Variants in CDH18 observed in about 807,000 individuals in gnomAD.
CDH18 encodes the protein cadherin-18.
CDH18 carries 31 observed loss-of-function variants against 67.9 expected under a neutral mutation model. The observed-to-expected ratio is 0.46, with a 90% CI of 0.34 to 0.62. The LOEUF (loss-of-function observed/expected upper bound fraction) is 0.62, where lower values mean the gene tolerates loss of function less well. Ranked by LOEUF, CDH18 falls within the 20% of genes least tolerant of loss-of-function variation. The pLI is 0.01. For synonymous variants in CDH18, 362 were observed against 347.2 expected (o/e 1.04, Z -0.48); for missense variants, 890 against 975.5 (o/e 0.91, Z 1.17).
chr5:20,304,432 C>G (rs116508732), intron 1 of CDH18: 32,135 of 1,488,670 alleles, frequency 0.022, 422 homozygotes, highest in Non-Finnish European at 0.026. Context: ...GCTCATGATT[C>G]TCTTCTTCAT....
At chr5:19,814,849 C>A (rs974412628) in intron 3 of CDH18, among the ~76,000 whole-genome samples, 5 of 32,240 alleles carry the variant, frequency 1.6e-4, no homozygotes, top group Non-Finnish European at 4.4e-4. Context: ...AAAATTGTTA[C>A]ACACACACAC....
At position 20,004,656 on chromosome 5, in the gene CDH18, A is replaced by T. The variant is rs183401634; in HGVS notation, c.-517-12642T>A. On this transcript the variant is annotated intron_variant, in intron 2 of 14. Transcript: ENST00000507958. ...AAACTCTGGGATAGAAAACATTTGT[A>T]AATTTAAAAGATGTCAAACCTTTAT... is the stretch of plus-strand genomic sequence containing the variant. Among the ~76,000 whole-genome samples the T allele has an allele frequency of 5.9e-5, 9 of 152,380 alleles. No individual in the cohort carries two copies. In the East Asian group the frequency reaches 1.7e-3, roughly 29 times the overall value.
chr5:19,602,076 A>G (rs763536884), intron 6 of CDH18, among the ~76,000 whole-genome samples: 4 of 152,192 alleles, frequency 2.6e-5, no homozygotes, highest in African/African-American at 9.6e-5. Context: ...TTTATTCAAC[A>G]TAATACTGGA....
At chr5:20,030,272 G>A (rs1382843132) in intron 2 of CDH18, among the ~76,000 whole-genome samples, 2 of 152,124 alleles carry the variant, frequency 1.3e-5, no homozygotes, top group Non-Finnish European at 2.9e-5. Context: ...ACATCTCAGT[G>A]TGTGTCATAT....
intron 1 of CDH18, among the ~76,000 whole-genome samples, chr5:20,509,139 T>C (rs1419670495): frequency 6.6e-6 from 1 of 152,174 alleles, no homozygotes; most frequent in Non-Finnish European, 1.5e-5. Context: ...AAATATACAA[T>C]ACATTGTTAT....
intron 2 of CDH18, among the ~76,000 whole-genome samples, chr5:20,161,117 A>C (rs1320654028): frequency 1.3e-5 from 2 of 152,106 alleles, no homozygotes; most frequent in African/African-American, 4.8e-5. Context: ...TTACATAAAA[A>C]TTTTGCCTAC....
chr5:19,757,546 A>G (rs116773011), intron 3 of CDH18, among the ~76,000 whole-genome samples: 3,107 of 152,278 alleles, frequency 0.02, 108 homozygotes, highest in African/African-American at 0.072. Flanking sequence ...GGCTGGGGAA[A>G]GCGGCTGAGT....
chr5:19,544,830 G>T (rs1736040202), intron 8 of CDH18, among the ~76,000 whole-genome samples: 1 of 152,170 alleles, frequency 6.6e-6, no homozygotes, highest in African/African-American at 2.4e-5. Flanking sequence ...CCCAATTAAG[G>T]TTCCCAACCT....
intron 2 of CDH18, among the ~76,000 whole-genome samples, chr5:19,923,049 T>C (rs541731128): frequency 2.6e-5 from 4 of 152,300 alleles, no homozygotes; most frequent in African/African-American, 7.2e-5. Context: ...GTCAGACCTA[T>C]GATTTCTTCG....
At chr5:19,670,911 A>C (rs1758656544) in intron 5 of CDH18, among the ~76,000 whole-genome samples, 2 of 152,166 alleles carry the variant, frequency 1.3e-5, no homozygotes, top group African/African-American at 4.8e-5. Flanking sequence ...GTCTAGAAGA[A>C]TGTCTAGTTT....
chr5:20,410,314 G>C (rs988342522), intron 1 of CDH18, among the ~76,000 whole-genome samples: 4 of 151,776 alleles, frequency 2.6e-5, no homozygotes, highest in Non-Finnish European at 5.9e-5. Flanking sequence ...TCTCTGGGAT[G>C]TAAAGATGAT....
At chr5:20,241,133 A>T (rs1742861961) in intron 2 of CDH18, among the ~76,000 whole-genome samples, 1 of 152,200 alleles carries the variant, frequency 6.6e-6, no homozygotes, top group South Asian at 2.1e-4. Flanking sequence ...ACACAAATAT[A>T]AAAAAGTGTC....
At chr5:19,503,154 T>C (rs13183755) in intron 10 of CDH18, 45 bp from the exon 11 acceptor site, 3 of 954,128 alleles carry the variant, frequency 3.1e-6, no homozygotes, top group Non-Finnish European at 5.0e-6. Flanking sequence ...ATTTTGCTTG[T>C]TCTCTTGATT....
intron 2 of CDH18, among the ~76,000 whole-genome samples, chr5:20,243,295 A>G (rs1376537522): frequency 6.6e-6 from 1 of 152,292 alleles, no homozygotes; most frequent in African/African-American, 2.4e-5. Flanking sequence ...ACTAGTCCCA[A>G]TTTGGGCAGT....
intron 2 of CDH18, among the ~76,000 whole-genome samples, chr5:20,208,814 A>G (rs1407353320): frequency 6.6e-6 from 1 of 152,054 alleles, no homozygotes; most frequent in East Asian, 1.9e-4. Flanking sequence ...ATATACGCAA[A>G]CTACTCATTT....
intron 10 of CDH18, among the ~76,000 whole-genome samples, 196 bp from the exon 11 acceptor site, chr5:19,503,305 T>A (rs1176204743): frequency 1.3e-5 from 2 of 152,192 alleles, no homozygotes; most frequent in African/African-American, 2.4e-5. Flanking sequence ...AAACACAGTA[T>A]ATAATTTCTA....
intron 2 of CDH18, among the ~76,000 whole-genome samples, chr5:20,211,465 G>A (rs561396777): frequency 2.0e-5 from 3 of 152,262 alleles, no homozygotes; most frequent in South Asian, 2.1e-4. Context: ...CTGACCCCCC[G>A]AGTAGCCTAA....
At position 20,175,615 on chromosome 5, in the gene CDH18, G is replaced by C. The variant is rs1580408335; in HGVS notation, c.-518+79829C>G. On this transcript the variant is annotated intron_variant, in intron 2 of 14. Coordinates refer to the CDH18 transcript ENST00000507958. ...GGCATCCCTGTAGAGCTTTGTATTA[G>C]TAAGAGTTCTCTAAAGGGACAGAAC... 4.6e-5 allele frequency among the ~76,000 whole-genome samples: 7 copies of C among 152,206 alleles called. No individual in the cohort carries two copies. The South Asian group carries it at 1.5e-3, about 32-fold the overall frequency.
intron 1 of CDH18, chr5:20,305,682 T>A: frequency 2.2e-6 from 1 of 463,638 alleles, no homozygotes. Flanking sequence ...ATCCTCACGC[T>A]GTGTTCGGCA....
Sources: allele counts gnomAD v4.1 joint callset (sites outside exome capture counted in the v4.1 genomes callset), GRCh38; gene constraint gnomAD v4.1.1; transcripts MANE v1.5; gene names NCBI Gene and HGNC (gene_info 2026-07-23, HGNC 2026-07-21).